SLC9A7: variants seen among roughly 807,000 people sequenced by gnomAD.
SLC9A7 encodes sodium/hydrogen exchanger 7.
In SLC9A7, 19 loss-of-function variants were observed where a neutral mutation model predicts 52.6. The ratio of observed to expected loss-of-function variants is 0.36; its 90% CI spans 0.25 to 0.53. The LOEUF is 0.53. Ranked by LOEUF, SLC9A7 falls within the 20% of genes least tolerant of loss-of-function variation. The pLI, the probability that SLC9A7 is intolerant of heterozygous loss-of-function variation, is 0.91. For missense variants in SLC9A7, 455 were observed against 597.9 expected (o/e 0.76, Z 2.49); for synonymous variants, 226 against 252.1 (o/e 0.90, Z 0.98).
At position 46,653,591 on chromosome X, in the gene SLC9A7, A is replaced by G. The variant is rs769385555; in HGVS notation, c.1147+18T>C. On this transcript the variant is annotated intron_variant, in intron 8 of 16. Coordinates refer to ENST00000616978, the MANE Select transcript of SLC9A7 (RefSeq NM_001257291.2). ...CTACAGTGAGGGGAAGGGTGGTCCA[A>G]GAGTAGAAAAAACCTACCTGTAAAT... The G allele has an allele frequency of 4.4e-6, 5 of 1,148,506 alleles. No individual in the cohort carries two copies. The South Asian group carries it at 5.4e-5, about 12-fold the overall frequency. 94.6% of individuals were successfully genotyped at this position (1,148,506 alleles called of 1,213,427 possible). A position where few individuals can be genotyped will look rare whatever the true frequency, so the allele number is the denominator to read the frequency against.
At chrX:46,734,499 C>T (rs1482686903) in intron 1 of SLC9A7, among the ~76,000 whole-genome samples, 1 of 111,869 alleles carries the variant, frequency 8.9e-6, no homozygotes, top group African/African-American at 3.2e-5. Context: ...ACATTTCAAT[C>T]TTTGTTTTTC....
intron 1 of SLC9A7, among the ~76,000 whole-genome samples, chrX:46,689,955 C>CT (rs1311230632): frequency 1.8e-5 from 2 of 111,699 alleles, no homozygotes; most frequent in African/African-American, 6.5e-5. Flanking sequence ...TGAACTCATT[C>CT]TTTTTTATAG....
intron 7 of SLC9A7, among the ~76,000 whole-genome samples, chrX:46,658,676 G>A (rs1252780986): frequency 1.0e-3 from 114 of 111,371 alleles, no homozygotes; most frequent in Middle Eastern, 4.6e-3. Flanking sequence ...AAACCAGGAA[G>A]AAGTTGAATC....
At chrX:46,688,019 C>T (rs1217809931) in intron 1 of SLC9A7, among the ~76,000 whole-genome samples, 1 of 112,306 alleles carries the variant, frequency 8.9e-6, no homozygotes, top group Non-Finnish European at 1.9e-5. Flanking sequence ...TACTTCATTC[C>T]TTTTTATTGC....
chrX:46,705,910 T>C (rs948372311), intron 1 of SLC9A7, among the ~76,000 whole-genome samples: 2 of 110,932 alleles, frequency 1.8e-5, no homozygotes, highest in South Asian at 3.9e-4. Context: ...GTGCTGGTTA[T>C]AGTTCAGGTT....
At chrX:46,618,480 T>TA (rs1177321620) in intron 15 of SLC9A7, among the ~76,000 whole-genome samples, 4 of 107,656 alleles carry the variant, frequency 3.7e-5, no homozygotes, top group Non-Finnish European at 5.8e-5. Context: ...TGTCACTCAG[T>TA]AAAAAAAAAG....
chrX:46,674,350 A>T (rs1304521313), intron 3 of SLC9A7, among the ~76,000 whole-genome samples: 1 of 112,525 alleles, frequency 8.9e-6, no homozygotes, highest in Non-Finnish European at 1.9e-5. Context: ...ATATCTGCTG[A>T]TGTGAGCTGA....
intron 1 of SLC9A7, among the ~76,000 whole-genome samples, chrX:46,750,540 G>C (rs1291272191): frequency 9.0e-6 from 1 of 111,149 alleles, no homozygotes; most frequent in Admixed American, 9.5e-5. Context: ...AATAGAGACA[G>C]GGTTTTGCCA....
chrX:46,665,722 G>A (rs1602202520), intron 5 of SLC9A7, among the ~76,000 whole-genome samples: 1 of 110,815 alleles, frequency 9.0e-6, no homozygotes, highest in Admixed American at 9.6e-5. Context: ...TGTACTCCTT[G>A]AGTCAATCAG....
At chrX:46,720,067 G>C (rs1332395495) in intron 1 of SLC9A7, among the ~76,000 whole-genome samples, 1 of 111,640 alleles carries the variant, frequency 9.0e-6, no homozygotes, top group Admixed American at 9.5e-5. Context: ...GGTCATTACT[G>C]AGGACCTCAA....
In SLC9A7 at chrX:46,656,004, C is replaced by G. The variant is rs1180075104; in HGVS notation, c.1042-2290G>C. Among the ~76,000 whole-genome samples the G allele has an allele frequency of 9.9e-5, 11 of 110,814 alleles. No homozygotes were observed. The East Asian group carries it at 3.2e-3, about 32-fold the overall frequency. On this transcript the variant is annotated intron_variant, in intron 7 of 16. Coordinates refer to ENST00000616978, the MANE Select transcript of SLC9A7 (RefSeq NM_001257291.2). ...AGCTTTGAAGAGAGCAGTGGTTCTC[C>G]CAGCACGCAGCTGGAGATCTGAGAA... is the stretch of plus-strand genomic sequence containing the variant.
chrX:46,758,289 T>TCGTC (rs1243881635), intron 1 of SLC9A7, among the ~76,000 whole-genome samples: 2 of 111,319 alleles, frequency 1.8e-5, no homozygotes, highest in Non-Finnish European at 3.8e-5. Flanking sequence ...CTTTCAGACT[T>TCGTC]CGTCCCCACT....
At chrX:46,717,910 T>G (rs936020061) in intron 1 of SLC9A7, among the ~76,000 whole-genome samples, 2 of 111,497 alleles carry the variant, frequency 1.8e-5, no homozygotes, top group Non-Finnish European at 3.8e-5. Flanking sequence ...CCAATCAAGC[T>G]ACCAATGACT....
At chrX:46,665,477 G>C (rs1406540080) in intron 5 of SLC9A7, among the ~76,000 whole-genome samples, 1 of 101,661 alleles carries the variant, frequency 9.8e-6, no homozygotes, top group Non-Finnish European at 2.0e-5. Flanking sequence ...AGTCTAGAAA[G>C]AGTGACTAGG....
At chrX:46,659,261 A>C (rs1372703176) in intron 7 of SLC9A7, among the ~76,000 whole-genome samples, 1 of 109,190 alleles carries the variant, frequency 9.2e-6, no homozygotes. Flanking sequence ...CCCACAGGCA[A>C]TATCATACTG....
At chrX:46,758,448 C>T (rs782463253) in intron 1 of SLC9A7, among the ~76,000 whole-genome samples, 1 of 111,779 alleles carries the variant, frequency 8.9e-6, no homozygotes, top group Non-Finnish European at 1.9e-5. Context: ...ACGGGGCAGA[C>T]GGAACCGGAC....
At chrX:46,670,286 T>G (rs1414262996) in intron 4 of SLC9A7, among the ~76,000 whole-genome samples, 1 of 112,024 alleles carries the variant, frequency 8.9e-6, no homozygotes, top group Non-Finnish European at 1.9e-5. Context: ...CATCAAGATA[T>G]CTGGGCTTTC....
At chrX:46,699,369 T>C (rs1324732624) in intron 1 of SLC9A7, among the ~76,000 whole-genome samples, 1 of 111,734 alleles carries the variant, frequency 8.9e-6, no homozygotes, top group Non-Finnish European at 1.9e-5. Flanking sequence ...TACCTTCTTC[T>C]GATAGTCTTT....
intron 1 of SLC9A7, among the ~76,000 whole-genome samples, chrX:46,753,609 G>T (rs1348609754): frequency 1.8e-5 from 2 of 111,807 alleles, no homozygotes; most frequent in Non-Finnish European, 3.8e-5. Context: ...AACAAATATT[G>T]CTGTCTATAT....
Sources: allele counts gnomAD v4.1 joint callset (sites outside exome capture counted in the v4.1 genomes callset), GRCh38; gene constraint gnomAD v4.1.1; transcripts MANE v1.5; gene names NCBI Gene and HGNC (gene_info 2026-07-23, HGNC 2026-07-21).